The following PCLO variants were observed in gnomAD, a reference collection of about 807,000 sequenced individuals.
PCLO encodes protein piccolo.
Under a neutral mutation model 427.5 loss-of-function variants are expected in PCLO, and 82 were observed. The observed-to-expected ratio is 0.19, with a 90% confidence interval of 0.16 to 0.23. The LOEUF (loss-of-function observed/expected upper bound fraction) is 0.23. PCLO is among the 10% of genes least tolerant of loss of function. PCLO has a pLI of 1.00. For synonymous variants in PCLO, 2,357 were observed against 2,155.4 expected (o/e 1.09, Z -2.59); for missense variants, 6,239 against 6,115.9 (o/e 1.02, Z -0.67).
chr7:82,834,526 G>A (rs1038675201), intron 16 of PCLO, among the ~76,000 whole-genome samples: 1 of 152,124 alleles, frequency 6.6e-6, no homozygotes, highest in Non-Finnish European at 1.5e-5. Flanking sequence ...CAGTTCATTC[G>A]TAGTAAATAT....
intron 3 of PCLO, among the ~76,000 whole-genome samples, chr7:83,106,589 C>G (rs1790862491): frequency 6.6e-6 from 1 of 152,026 alleles, no homozygotes; most frequent in East Asian, 1.9e-4. Context: ...TTTGTGAGAG[C>G]AGATGTCATG....
At chr7:83,120,588 A>G (rs1225259593) in intron 3 of PCLO, among the ~76,000 whole-genome samples, 5 of 152,070 alleles carry the variant, frequency 3.3e-5, no homozygotes, top group Non-Finnish European at 7.4e-5. Context: ...GATCCAAAAA[A>G]CAGCAAGAAA....
At chr7:82,787,606 A>G (rs10259627) in intron 22 of PCLO, among the ~76,000 whole-genome samples, 52,627 of 151,980 alleles carry the variant, frequency 0.35, 9,539 homozygotes, top group African/African-American at 0.41. Flanking sequence ...ATGACGTGCT[A>G]GACAAATCTC....
chr7:82,823,509 C>G (rs1406600651), intron 19 of PCLO, among the ~76,000 whole-genome samples: 1 of 152,148 alleles, frequency 6.6e-6, no homozygotes, highest in East Asian at 1.9e-4. Context: ...TTTTATCCCA[C>G]AGAGGCAGTA....
chr7:82,902,873 T>C (rs1794083174), intron 8 of PCLO, 132 bp from the exon 9 acceptor site: 1 of 589,006 alleles, frequency 1.7e-6, no homozygotes, highest in South Asian at 2.1e-5. Context: ...TCTCACATGA[T>C]GGCAATTTAA....
At chr7:82,820,851 T>C (rs1791773831) in intron 20 of PCLO, 1 of 1,231,230 alleles carries the variant, frequency 8.1e-7, no homozygotes, top group Non-Finnish European at 1.0e-6. Context: ...TTCTGCAATA[T>C]GAATATTGTT....
At chr7:82,845,777 T>C (rs951691420) in intron 12 of PCLO, among the ~76,000 whole-genome samples, 2 of 152,192 alleles carry the variant, frequency 1.3e-5, no homozygotes, top group Non-Finnish European at 2.9e-5. Context: ...TGATGCAATA[T>C]CCTATTTTAT....
chr7:83,089,744 C>T (rs1790331229), intron 3 of PCLO, among the ~76,000 whole-genome samples: 1 of 152,134 alleles, frequency 6.6e-6, no homozygotes, highest in African/African-American at 2.4e-5. Context: ...GCAGCTTCTG[C>T]ACTAGTGCCC....
At position 83,035,596 on chromosome 7, in the gene PCLO, T is replaced by C. The variant is rs184919123; in HGVS notation, c.3301-69109A>G. Among the ~76,000 whole-genome samples the C allele has an allele frequency of 1.6e-3, 251 of 152,292 alleles. 1 individual carries two copies. The highest frequency in any genetic ancestry group is 4.9e-3 in the African/African-American group (204 of 41,570). On this transcript the variant is annotated intron_variant, in intron 3 of 24. Coordinates refer to ENST00000333891, the MANE Select transcript of PCLO (RefSeq NM_033026.6). Reference sequence around the variant, plus strand: ...ATTCTTGACAGATTATATTAATCTCTGTACTCTAAGACCTTTTTTTAAAAT... The same window carrying C: ...ATTCTTGACAGATTATATTAATCTCCGTACTCTAAGACCTTTTTTTAAAAT...
At chr7:82,975,244 T>C (rs73387618) in intron 3 of PCLO, among the ~76,000 whole-genome samples, 2,962 of 152,268 alleles carry the variant, frequency 0.019, 104 homozygotes, top group African/African-American at 0.068. Context: ...AGCACTTCAT[T>C]ATAGGGAAAT....
intron 3 of PCLO, among the ~76,000 whole-genome samples, chr7:83,058,211 G>A (rs1789450260): frequency 6.6e-6 from 1 of 152,128 alleles, no homozygotes; most frequent in Admixed American, 6.5e-5. Flanking sequence ...TTTGAAATCA[G>A]GACAGTTTGC....
intron 3 of PCLO, among the ~76,000 whole-genome samples, chr7:83,132,287 A>T (rs1405035319): frequency 6.6e-6 from 1 of 152,096 alleles, no homozygotes; most frequent in Non-Finnish European, 1.5e-5. Flanking sequence ...AAACTGCCAC[A>T]GAGCAAAATA....
intron 3 of PCLO, among the ~76,000 whole-genome samples, chr7:83,009,076 T>A (rs956764729): frequency 6.6e-6 from 1 of 151,782 alleles, no homozygotes; most frequent in Non-Finnish European, 1.5e-5. Flanking sequence ...TTTTAACTTA[T>A]TTTAAGATAG....
intron 3 of PCLO, among the ~76,000 whole-genome samples, chr7:83,054,507 A>C (rs1789331009): frequency 6.6e-6 from 1 of 152,086 alleles, no homozygotes; most frequent in Admixed American, 6.6e-5. Context: ...TTTAGCCGTG[A>C]GAAGAAGACT....
chr7:83,121,412 A>G (rs1162994643), intron 3 of PCLO, among the ~76,000 whole-genome samples: 2 of 152,164 alleles, frequency 1.3e-5, no homozygotes, highest in African/African-American at 2.4e-5. Flanking sequence ...AGAAATTAAA[A>G]CATACCACCA....
chr7:82,799,649 A>G (rs931024232), intron 22 of PCLO, among the ~76,000 whole-genome samples: 1 of 151,996 alleles, frequency 6.6e-6, no homozygotes, highest in Non-Finnish European at 1.5e-5. Flanking sequence ...ACTGGCTTCC[A>G]GTTGGTTTTG....
chr7:82,958,860 G>T (rs1584222451), intron 4 of PCLO, among the ~76,000 whole-genome samples: 1 of 152,100 alleles, frequency 6.6e-6, no homozygotes, highest in African/African-American at 2.4e-5. Context: ...CCCAGAAAAT[G>T]CCAGAGCACA....
chr7:83,038,025 A>ATATATATATATATATATATATATT (rs1562932933), intron 3 of PCLO, among the ~76,000 whole-genome samples: 1 of 49,098 alleles, frequency 2.0e-5, no homozygotes, highest in African/African-American at 1.5e-4. Context: ...ATATATATAT[A>ATATATATATATATATATATATATT]TATATTTATA....
chr7:82,877,357 T>C (rs1793398119), intron 10 of PCLO, among the ~76,000 whole-genome samples: 1 of 152,174 alleles, frequency 6.6e-6, no homozygotes, highest in South Asian at 2.1e-4. Flanking sequence ...GACACAGTTG[T>C]TATTGCAAAT....
Sources: gnomAD v4.1 joint callset for allele counts (sites outside exome capture counted in the v4.1 genomes callset) on GRCh38, gnomAD v4.1.1 for gene constraint, MANE v1.5 for transcripts, NCBI Gene and HGNC (gene_info 2026-07-23, HGNC 2026-07-21) for gene names.